The following IMMP2L variants were observed in gnomAD, a reference collection of about 807,000 sequenced individuals.
IMMP2L encodes mitochondrial inner membrane protease subunit 2.
Under a neutral mutation model 19.3 loss-of-function variants are expected in IMMP2L, and 18 were observed. That is an observed-to-expected ratio of 0.93 (90% confidence interval 0.64 to 1.38). The LOEUF (loss-of-function observed/expected upper bound fraction) is 1.38, where lower values mean the gene tolerates loss of function less well. Among genes scored for constraint, IMMP2L ranks in the 40% most tolerant of loss-of-function variants. The probability of loss-of-function intolerance (pLI) is 0.00; values close to 1 mark genes in which losing one functional copy is unlikely to be tolerated. For synonymous variants in IMMP2L, 76 were observed against 73.0 expected, an observed-to-expected ratio of 1.04 and a Z score of -0.21; for missense variants, 233 against 218.2, an observed-to-expected ratio of 1.07 and a Z score of -0.43.
At chr7:111,519,548 G>A (rs1305831683) in intron 2 of IMMP2L, among the ~76,000 whole-genome samples, 1 of 152,050 alleles carries the variant, frequency 6.6e-6, no homozygotes, top group Non-Finnish European at 1.5e-5. Context: ...TCCATGAACC[G>A]ACATTTAGAA....
At chr7:111,099,809 AAAG>A in intron 3 of IMMP2L, 1 of 151,798 alleles carries the variant, frequency 6.6e-6, no homozygotes, top group Non-Finnish European at 1.5e-5. Flanking sequence ...TGTAAGAAAT[AAAG>A]AAGGACATGT....
At chr7:111,172,629 G>C (rs1206485723) in intron 3 of IMMP2L, among the ~76,000 whole-genome samples, 1 of 151,276 alleles carries the variant, frequency 6.6e-6, no homozygotes. Flanking sequence ...CCATTAACCA[G>C]CCTTTGGCTA....
intron 3 of IMMP2L, among the ~76,000 whole-genome samples, chr7:110,980,511 C>T (rs558876830): frequency 2.6e-5 from 4 of 152,010 alleles, no homozygotes; most frequent in Admixed American, 2.6e-4. Context: ...CCACTCCGCC[C>T]GGCCTATTTG....
At chr7:111,472,472 A>C (rs1841357648) in intron 3 of IMMP2L, among the ~76,000 whole-genome samples, 1 of 152,166 alleles carries the variant, frequency 6.6e-6, no homozygotes, top group East Asian at 1.9e-4. Flanking sequence ...GCAAGATTTA[A>C]AATCCTGCTT....
intron 5 of IMMP2L, among the ~76,000 whole-genome samples, chr7:110,807,029 A>C (rs1801680925): frequency 6.6e-6 from 1 of 151,968 alleles, no homozygotes; most frequent in Admixed American, 6.6e-5. Context: ...CATAATGACC[A>C]ATCTATGCTA....
chr7:111,050,299 T>C (rs1307466902), intron 3 of IMMP2L, among the ~76,000 whole-genome samples: 8 of 152,196 alleles, frequency 5.3e-5, no homozygotes, highest in Non-Finnish European at 1.0e-4. Context: ...ATTTAAATTA[T>C]AACTCTCTCA....
chr7:110,868,432 G>C (rs2129543571), intron 5 of IMMP2L, among the ~76,000 whole-genome samples: 1 of 152,200 alleles, frequency 6.6e-6, no homozygotes, highest in East Asian at 1.9e-4. Flanking sequence ...AAGTGGCACA[G>C]TAGGTTATAT....
intron 3 of IMMP2L, among the ~76,000 whole-genome samples, chr7:111,034,258 A>T (rs1791119116): frequency 6.6e-6 from 1 of 152,144 alleles, no homozygotes; most frequent in African/African-American, 2.4e-5. Flanking sequence ...GAATTAAGAT[A>T]AAATTCTTAC....
intron 3 of IMMP2L, among the ~76,000 whole-genome samples, chr7:111,405,536 A>G (rs1213703473): frequency 6.6e-6 from 1 of 152,192 alleles, no homozygotes; most frequent in African/African-American, 2.4e-5. Flanking sequence ...AATATGTGTA[A>G]GATTATAAAA....
At chr7:111,521,554 G>A in intron 1 of IMMP2L, 105 bp from the exon 2 acceptor site, 1 of 939,374 alleles carries the variant, frequency 1.1e-6, no homozygotes, top group African/African-American at 1.7e-5. Flanking sequence ...GGGCAATCTT[G>A]TCTCTTAATA....
intron 1 of IMMP2L, among the ~76,000 whole-genome samples, chr7:111,554,588 G>A (rs1448791581): frequency 6.6e-6 from 1 of 151,782 alleles, no homozygotes; most frequent in Non-Finnish European, 1.5e-5. Context: ...AGCACATATT[G>A]TCCCTCAAAG....
chr7:111,046,024 G>C (rs537830674), intron 3 of IMMP2L, among the ~76,000 whole-genome samples: 2 of 151,948 alleles, frequency 1.3e-5, no homozygotes, highest in African/African-American at 2.4e-5. Context: ...ATACTCACTA[G>C]ATAAAAATAC....
At chr7:110,833,196 T>C (rs1412642547) in intron 5 of IMMP2L, among the ~76,000 whole-genome samples, 1 of 152,046 alleles carries the variant, frequency 6.6e-6, no homozygotes, top group Non-Finnish European at 1.5e-5. Context: ...CCCAGCACTT[T>C]GGGAGGCTGA....
chr7:110,891,925 A>G (rs534581905), intron 4 of IMMP2L, among the ~76,000 whole-genome samples: 1 of 152,290 alleles, frequency 6.6e-6, no homozygotes, highest in East Asian at 1.9e-4. Context: ...AGAGAATAAA[A>G]AGAAACAAGG....
chr7:110,981,337 A>T (rs1821275805), intron 3 of IMMP2L, among the ~76,000 whole-genome samples: 1 of 152,140 alleles, frequency 6.6e-6, no homozygotes, highest in African/African-American at 2.4e-5. Context: ...GTAATTAACA[A>T]TTCTTGCCTA....
chr7:110,805,331 T>C lies in IMMP2L; in HGVS notation c.408+81262A>G, dbSNP rs146747854. ...GGTAAGCTCCAGGAGGGTAATGAAT[T>C]ATGGCTTATTTATTGTTAAATTAAC... On this transcript the variant is annotated intron_variant, in intron 5 of 5. Transcript: ENST00000405709. Among the ~76,000 whole-genome samples, 504 of 152,228 alleles carry C rather than the reference T, an allele frequency of 3.3e-3. 13 individuals carry two copies. The highest frequency in any genetic ancestry group is 0.027 in the Admixed American group (414 of 15,268).
chr7:111,423,894 CA>C (rs1835825520), intron 3 of IMMP2L, among the ~76,000 whole-genome samples: 2 of 151,700 alleles, frequency 1.3e-5, no homozygotes, highest in East Asian at 3.9e-4. Flanking sequence ...ACAAAATTGA[CA>C]GTGAAACTTT....
rs1842731184 is a variant in IMMP2L, at chr7:111,487,242, A to G, written c.235T>C (p.Leu79=). 3 of 1,483,492 alleles carry G rather than the reference A, an allele frequency of 2.0e-6. No individual in the cohort carries two copies. In the South Asian group the frequency reaches 3.4e-5, roughly 17 times the overall value. The allele number at this position is 1,483,492 out of a possible 1,614,324, so 91.9% of individuals were successfully genotyped here. A position where few individuals can be genotyped will look rare whatever the true frequency, so the allele number is the denominator to read the frequency against. ...GTATGCTTCTGAGTTACTTACACCAATGATACAATGTCACCACGGTGTACT... is the reference window on the plus strand; with the variant it reads ...GTATGCTTCTGAGTTACTTACACCAGTGATACAATGTCACCACGGTGTACT... ...FEVHRGDIVS[L]VSPKNPEQKI... is the part of the protein sequence containing the mutation. The change falls in exon 3 of 6, where the codon TTG becomes CTG. Residue 79 remains leucine (L), a synonymous_variant. Transcript: ENST00000405709.
At chr7:111,127,523 T>A (rs2129592080) in intron 3 of IMMP2L, among the ~76,000 whole-genome samples, 1 of 152,216 alleles carries the variant, frequency 6.6e-6, no homozygotes, top group Non-Finnish European at 1.5e-5. Context: ...TCAAGGCAAA[T>A]CATGAACCTA....
Sources: gnomAD v4.1 joint callset for allele counts (sites outside exome capture counted in the v4.1 genomes callset) on GRCh38, gnomAD v4.1.1 for gene constraint, MANE v1.5 for transcripts, NCBI Gene and HGNC (gene_info 2026-07-23, HGNC 2026-07-21) for gene names.